The following TMEM163 variants were observed in gnomAD, a reference collection of about 807,000 sequenced individuals.
The protein encoded by TMEM163 is transmembrane protein 163.
In TMEM163, 17 loss-of-function variants were observed where a neutral mutation model predicts 29.3. The observed-to-expected ratio is 0.58, with a 90% confidence interval of 0.40 to 0.87. The LOEUF (loss-of-function observed/expected upper bound fraction) is 0.87. Ranked by LOEUF, TMEM163 falls within the 40% of genes least tolerant of loss-of-function variation. The pLI, the probability that TMEM163 is intolerant of heterozygous loss-of-function variation, is 0.00. For synonymous variants in TMEM163, 157 were observed against 160.6 expected, an observed-to-expected ratio of 0.98 and a Z score of 0.17; for missense variants, 303 against 381.5, an observed-to-expected ratio of 0.79 and a Z score of 1.71.
Position 134,456,746 on chromosome 2 carries a change from C to T in TMEM163, c.840G>A (p.Arg280=). ...CAAACATCTCGTAGTGACGTGTCTGCCTCACCCTCGGCACCATGTCGATGA... is the reference window on the plus strand; with the variant it reads ...CAAACATCTCGTAGTGACGTGTCTGTCTCACCCTCGGCACCATGTCGATGA... ...KLLIDMVPRV[R]QTRHYEMFE The change falls in exon 8 of 8, where the codon AGG becomes AGA. Residue 280 remains arginine (R), a synonymous_variant. Transcript: ENST00000281924. 1 of 1,614,036 alleles carries T rather than the reference C, an allele frequency of 6.2e-7. No individual in the cohort carries two copies. The highest frequency in any genetic ancestry group is 8.5e-7 in the Non-Finnish European group (1 of 1,179,992).
intron 2 of TMEM163, 116 bp from the exon 3 acceptor site, chr2:134,552,207 C>A: frequency 2.9e-6 from 2 of 701,396 alleles, no homozygotes; most frequent in East Asian, 3.0e-5. Context: ...AGAACAAAAC[C>A]AAAAATTAAC....
chr2:134,680,859 A>T (rs73958786), intron 2 of TMEM163, among the ~76,000 whole-genome samples: 1,950 of 152,058 alleles, frequency 0.013, 37 homozygotes, highest in African/African-American at 0.043. Context: ...ACCTCTCCAT[A>T]CCTCCATTTC....
At chr2:134,652,153 G>C (rs1683494477) in intron 2 of TMEM163, among the ~76,000 whole-genome samples, 1 of 129,228 alleles carries the variant, frequency 7.7e-6, no homozygotes, top group South Asian at 2.5e-4. Flanking sequence ...CCATTTTCAC[G>C]ATATTGATTC....
At chr2:134,470,229 C>T (rs927696408) in intron 5 of TMEM163, among the ~76,000 whole-genome samples, 3 of 151,992 alleles carry the variant, frequency 2.0e-5, no homozygotes, top group Non-Finnish European at 2.9e-5. Flanking sequence ...CGGTGGCGGG[C>T]GCCTGTAGTC....
chr2:134,718,671 G>C, intron 1 of TMEM163, 63 bp downstream of exon 1: 1 of 1,083,506 alleles, frequency 9.2e-7, no homozygotes. Flanking sequence ...GCCCGCGAGT[G>C]GGGAGAGGCG....
chr2:134,633,989 ATATATATATATATATATATATATATATAT>A (rs1683040800), intron 2 of TMEM163, among the ~76,000 whole-genome samples: 1 of 21,890 alleles, frequency 4.6e-5, no homozygotes, highest in Non-Finnish European at 9.6e-5. Context: ...ATATATATAT[ATATATATATATATATATATATATATATAT>A]ATAATAGGAC....
chr2:134,606,361 T>C (rs1171469236), intron 2 of TMEM163, among the ~76,000 whole-genome samples: 1 of 151,396 alleles, frequency 6.6e-6, no homozygotes, highest in East Asian at 1.9e-4. Context: ...AAAAAATACT[T>C]CTGCCCTCTG....
chr2:134,662,258 C>CA (rs1427437549), intron 2 of TMEM163, among the ~76,000 whole-genome samples: 2 of 152,276 alleles, frequency 1.3e-5, no homozygotes, highest in African/African-American at 4.8e-5. Context: ...TTCATTCATT[C>CA]AATTGCCACC....
chr2:134,465,851 C>A (rs1187215587), intron 6 of TMEM163, among the ~76,000 whole-genome samples: 1 of 152,226 alleles, frequency 6.6e-6, no homozygotes, highest in Non-Finnish European at 1.5e-5. Context: ...GATTAAGAGG[C>A]TGGGGAGCCC....
intron 5 of TMEM163, among the ~76,000 whole-genome samples, chr2:134,498,703 T>C (rs1357297991): frequency 6.6e-6 from 1 of 152,040 alleles, no homozygotes; most frequent in Non-Finnish European, 1.5e-5. Context: ...AAGGGGCCCA[T>C]ATGGAAAGGG....
intron 2 of TMEM163, among the ~76,000 whole-genome samples, chr2:134,600,238 C>T (rs1032216836): frequency 1.3e-5 from 2 of 152,156 alleles, no homozygotes; most frequent in Admixed American, 6.5e-5. Context: ...TTCCTTAATC[C>T]TCACAGGTAA....
intron 5 of TMEM163, among the ~76,000 whole-genome samples, chr2:134,488,737 A>C (rs1441500165): frequency 1.3e-5 from 2 of 152,224 alleles, no homozygotes; most frequent in African/African-American, 4.8e-5. Flanking sequence ...ACATAGAACA[A>C]GACTGGTACC....
At chr2:134,635,388 G>C (rs11683578) in intron 2 of TMEM163, among the ~76,000 whole-genome samples, 126,084 of 152,166 alleles carry the variant, frequency 0.83, 53,382 homozygotes, top group African/African-American at 0.96. Flanking sequence ...CTCCTACTTC[G>C]TTTGCTAAAG....
chr2:134,521,066 T>G (rs1680180263), intron 4 of TMEM163, among the ~76,000 whole-genome samples: 1 of 151,672 alleles, frequency 6.6e-6, no homozygotes, highest in Non-Finnish European at 1.5e-5. Context: ...TGGCACAATC[T>G]CGGCTCACTG....
chr2:134,711,370 C>A (rs189446729), intron 2 of TMEM163, among the ~76,000 whole-genome samples: 2 of 152,248 alleles, frequency 1.3e-5, no homozygotes, highest in East Asian at 1.9e-4. Flanking sequence ...ATATAATTCA[C>A]CTTCTACATT....
intron 2 of TMEM163, among the ~76,000 whole-genome samples, chr2:134,701,110 C>A (rs1474985492): frequency 6.6e-6 from 1 of 151,428 alleles, no homozygotes; most frequent in African/African-American, 2.4e-5. Flanking sequence ...TACAAAGACA[C>A]TAAACATGTT....
At chr2:134,605,585 C>G (rs1574274761) in intron 2 of TMEM163, among the ~76,000 whole-genome samples, 1 of 152,002 alleles carries the variant, frequency 6.6e-6, no homozygotes, top group Non-Finnish European at 1.5e-5. Context: ...GTAATCCCAG[C>G]TATTCAGGAG....
At chr2:134,695,383 T>C (rs1684556499) in intron 2 of TMEM163, among the ~76,000 whole-genome samples, 1 of 151,640 alleles carries the variant, frequency 6.6e-6, no homozygotes, top group Non-Finnish European at 1.5e-5. Flanking sequence ...GGGCAAATTT[T>C]TAATCAAAAA....
rs776946893 is a variant in TMEM163 at position 134,491,942 on chromosome 2, T to G, written c.555+10959A>C. ...AACAAATCCTACTGTAAGCAGGAGA[T>G]GGAAAGGATAAGCTGCCCGTGCTTC... On this transcript the variant is annotated intron_variant, in intron 5 of 7. Coordinates refer to ENST00000281924, the MANE Select transcript of TMEM163 (RefSeq NM_030923.5). 2.0e-5 allele frequency among the ~76,000 whole-genome samples: 3 copies of G among 152,114 alleles called. No individual in the cohort carries two copies. The South Asian group carries it at 6.2e-4, about 32-fold the overall frequency.
Sources: allele counts gnomAD v4.1 joint callset (sites outside exome capture counted in the v4.1 genomes callset), GRCh38; gene constraint gnomAD v4.1.1; transcripts MANE v1.5; gene names NCBI Gene and HGNC (gene_info 2026-07-23, HGNC 2026-07-21).